Variants in NUDT12 observed in about 807,000 individuals in gnomAD.
NUDT12 encodes the protein NAD-capped RNA hydrolase NUDT12.
In NUDT12, 42 loss-of-function variants were observed where a neutral mutation model predicts 45.7. That is an observed-to-expected ratio of 0.92 (90% CI 0.72 to 1.19). The LOEUF is 1.19. NUDT12 is among the 50% of genes most tolerant of loss of function. NUDT12 has a pLI of 0.00. For missense variants in NUDT12, 590 were observed against 533.1 expected (o/e 1.11, Z -1.05); for synonymous variants, 206 against 179.7 (o/e 1.15, Z -1.17).
chr5:103,553,639 C>G (rs1268260794), intron 5 of NUDT12, among the ~76,000 whole-genome samples: 2 of 152,036 alleles, frequency 1.3e-5, no homozygotes, highest in African/African-American at 4.8e-5. Flanking sequence ...ACCTAGATAA[C>G]TCTTGCAAAT....
rs1266262633 is a variant in NUDT12, at chr5:103,552,456, T to C, written c.1079-40A>G. On this transcript the variant is annotated intron_variant, in intron 5 of 6. Coordinates refer to ENST00000230792, the MANE Select transcript of NUDT12 (RefSeq NM_031438.4). ...CAAAAGAACAAGTTGCTGATGAACATGCCCGGGACACTTTGTGTCCTGAAT... is the reference window on the plus strand; with the variant it reads ...CAAAAGAACAAGTTGCTGATGAACACGCCCGGGACACTTTGTGTCCTGAAT... The C allele has an allele frequency of 2.2e-5, 33 of 1,489,332 alleles. 1 individual carries two copies. Among genetic ancestry groups the C allele is most frequent in the Non-Finnish European group, 2.4e-5 (26 of 1,068,166 alleles). The allele number at this position is 1,489,332 out of a possible 1,614,324, so 92.3% of individuals were successfully genotyped here.
chr5:103,557,584 A>AAACAC (rs113587604), intron 3 of NUDT12, among the ~76,000 whole-genome samples: 5 of 149,956 alleles, frequency 3.3e-5, no homozygotes, highest in Non-Finnish European at 5.9e-5. Flanking sequence ...AGATGCTTTA[A>AAACAC]AAAACAAAAC....
In NUDT12 at chr5:103,549,036, T is replaced by TC. The variant is rs1748570750; in HGVS notation, c.*1824dup. 6.6e-6 allele frequency: 1 copy of TC among 152,130 alleles called. No individual in the cohort carries two copies. The highest frequency in any genetic ancestry group is 6.6e-5 in the Admixed American group (1 of 15,258). The allele number at this position is 152,130 out of a possible 1,614,324, so 9.4% of individuals were successfully genotyped here. On this transcript the variant is annotated 3_prime_UTR_variant, in exon 7 of 7. Coordinates refer to ENST00000230792, the MANE Select transcript of NUDT12 (RefSeq NM_031438.4). ...ATAATTTACCTAGATGCTGATTTTT[T>TC]CCCAAGTAAGGATTAAATATCCAAA...
chr5:103,556,042 G>A lies in NUDT12; in HGVS notation c.853C>T (p.Pro285Ser). Residue 285 changes from proline to serine, a missense_variant, in exon 4 of 7, where the codon CCA (proline) becomes TCA (serine). Transcript: ENST00000230792. ...LAWHSRYKFC[P>S]TCGNATKIEE... ...ATTTTAGTTGCATTTCCACAGGTTG[G>A]GCAAAACTTGTATCGACTGTGCCAG... The A allele has an allele frequency of 6.2e-7, 1 of 1,611,672 alleles. No individual in the cohort carries two copies.
At chr5:103,551,310 C>T (rs1366021827) in intron 6 of NUDT12, among the ~76,000 whole-genome samples, 1 of 151,978 alleles carries the variant, frequency 6.6e-6, no homozygotes, top group Non-Finnish European at 1.5e-5. Context: ...GACAGGGTCT[C>T]CCTATGTTGC....
In NUDT12 at chr5:103,549,009, T is replaced by C. The variant is rs982401728; in HGVS notation, c.*1852A>G. The stretch of plus-strand genomic sequence containing the variant: ...GGCAATTTAAGAGTTGTTATTAAAA[T>C]AATAATTTACCTAGATGCTGATTTT... On this transcript the variant is annotated 3_prime_UTR_variant, in exon 7 of 7. Coordinates refer to ENST00000230792, the MANE Select transcript of NUDT12 (RefSeq NM_031438.4). 1 of 152,150 alleles carries C rather than the reference T, an allele frequency of 6.6e-6. No homozygotes were observed. Among genetic ancestry groups the C allele is most frequent in the African/African-American group, 2.4e-5 (1 of 41,456 alleles). 9.4% of individuals were successfully genotyped at this position (152,150 alleles called of 1,614,324 possible). A position where few individuals can be genotyped will look rare whatever the true frequency, so the allele number is the denominator to read the frequency against.
intron 2 of NUDT12, 52 bp downstream of exon 2, chr5:103,559,991 C>T: frequency 7.8e-7 from 1 of 1,288,704 alleles, no homozygotes; most frequent in Non-Finnish European, 1.1e-6. Context: ...AAATATGTAA[C>T]AAAGAAATTA....
rs1445924366 is a variant in NUDT12, at chr5:103,560,255, C to T, written c.-6-1G>A. On this transcript the variant is annotated splice_acceptor_variant, in intron 1 of 6. Coordinates refer to ENST00000230792, the MANE Select transcript of NUDT12 (RefSeq NM_031438.4). LOFTEE classifies it low-confidence loss of function (5UTR_SPLICE). ...TTCTTTTTACAGAAGACATTTCTTC[C>T]TTAAAAGAAGGAAAATCAGGGGAAA... is the stretch of plus-strand genomic sequence containing the variant. 1 of 1,604,092 alleles carries T rather than the reference C, an allele frequency of 6.2e-7. No homozygotes were observed. Among genetic ancestry groups the T allele is most frequent in the Non-Finnish European group, 8.5e-7 (1 of 1,171,694 alleles).
At position 103,558,925 on chromosome 5, in the gene NUDT12, A is replaced by G; in HGVS notation, c.750T>C (p.Leu250=). 6.2e-7 allele frequency: 1 copy of G among 1,608,408 alleles called. No individual in the cohort carries two copies. The highest frequency in any genetic ancestry group is 8.5e-7 in the Non-Finnish European group (1 of 1,177,874). The change falls in exon 3 of 7, where the codon CTT becomes CTC. Residue 250 remains leucine (L), a synonymous_variant. Transcript: ENST00000230792. ...GCAGAAGGGCTGGCATAGGAGGATG[A>G]AGAAAGTAACAATTTTCATGTCTTT... ...FKQRHENCYF[L]HPPMPALLQL... is the part of the protein sequence containing the mutation.
intron 1 of NUDT12, among the ~76,000 whole-genome samples, chr5:103,560,965 C>T (rs1031229663): frequency 2.6e-5 from 4 of 151,646 alleles, no homozygotes; most frequent in Admixed American, 2.0e-4. Context: ...CTTTTTGTTT[C>T]GGTGGGGTAA....
At position 103,551,405 on chromosome 5, in the gene NUDT12, C is replaced by T. The variant is rs200983639; in HGVS notation, c.1279-434G>A. 7.4e-4 allele frequency among the ~76,000 whole-genome samples: 113 copies of T among 152,284 alleles called. 1 individual carries two copies. Among genetic ancestry groups the T allele is most frequent in the African/African-American group, 2.5e-3 (105 of 41,554 alleles). On this transcript the variant is annotated intron_variant, in intron 6 of 6. Coordinates refer to ENST00000230792, the MANE Select transcript of NUDT12 (RefSeq NM_031438.4). ...CTGGGATTACAGGTATAAGCCACCA[C>T]GCCCCGCCTCAACATGCAAAATTTA... is the stretch of plus-strand genomic sequence containing the variant.
rs1028957694 is a variant in NUDT12 at position 103,549,795 on chromosome 5, T to C, written c.*1066A>G. 7 of 152,148 alleles carry C rather than the reference T, an allele frequency of 4.6e-5. No individual in the cohort carries two copies. The highest frequency in any genetic ancestry group is 6.5e-5 in the Admixed American group (1 of 15,274). The allele number at this position is 152,148 out of a possible 1,614,324, so 9.4% of individuals were successfully genotyped here. ...AAATGTGACTTTCTATGTTGCAAAATTGTGAACTACTATGTTTTGCTTTCT... is the reference window on the plus strand; with the variant it reads ...AAATGTGACTTTCTATGTTGCAAAACTGTGAACTACTATGTTTTGCTTTCT... On this transcript the variant is annotated 3_prime_UTR_variant, in exon 7 of 7. Transcript: ENST00000230792.
intron 6 of NUDT12, 150 bp from the exon 7 acceptor site, chr5:103,551,121 G>GTT (rs370123789): frequency 5.3e-3 from 2,543 of 477,280 alleles, no homozygotes; most frequent in South Asian, 6.7e-3. Context: ...TACATGCAAA[G>GTT]TTTTTTTTTT....
Position 103,560,629 on chromosome 5 carries a change from G to A in NUDT12, c.-6-375C>T, listed in dbSNP as rs1421758052. ...GAGGGGGAGAGCATTAAAACAGATGGAAGTAAAGGCAGAGACTTTATAAGT... is the reference window on the plus strand; with the variant it reads ...GAGGGGGAGAGCATTAAAACAGATGAAAGTAAAGGCAGAGACTTTATAAGT... On this transcript the variant is annotated intron_variant, in intron 1 of 6. Coordinates refer to ENST00000230792, the MANE Select transcript of NUDT12 (RefSeq NM_031438.4). Among the ~76,000 whole-genome samples the A allele has an allele frequency of 3.3e-5, 5 of 152,138 alleles. No individual in the cohort carries two copies. The East Asian group carries it at 9.6e-4, about 29-fold the overall frequency.
intron 6 of NUDT12, among the ~76,000 whole-genome samples, chr5:103,551,480 T>C (rs765975628): frequency 3.3e-5 from 5 of 152,170 alleles, no homozygotes; most frequent in African/African-American, 7.2e-5. Flanking sequence ...GTTTCTAAAA[T>C]GTTCCAGAAA....
intron 6 of NUDT12, 67 bp downstream of exon 6, chr5:103,552,150 G>T: frequency 7.6e-7 from 1 of 1,321,866 alleles, no homozygotes. Flanking sequence ...ATGCATCCTT[G>T]CTCTGTGACC....
rs1002426602 is a variant in NUDT12, at chr5:103,562,788, T to C, written c.-92A>G. On this transcript the variant is annotated 5_prime_UTR_variant, in exon 1 of 7. Coordinates refer to ENST00000230792, the MANE Select transcript of NUDT12 (RefSeq NM_031438.4). ...GCTTTTCCTGGAGCCGGATGCAGTC[T>C]TCCCGACTTCCGGTGGAGATCCGGG... is the stretch of plus-strand genomic sequence containing the variant. The C allele has an allele frequency of 1.1e-5, 1 of 87,376 alleles. No homozygotes were observed. The highest frequency in any genetic ancestry group is 2.2e-5 in the Non-Finnish European group (1 of 45,754). The allele number at this position is 87,376 out of a possible 1,614,324, so 5.4% of individuals were successfully genotyped here. A position where few individuals can be genotyped will look rare whatever the true frequency, so the allele number is the denominator to read the frequency against.
intron 1 of NUDT12, among the ~76,000 whole-genome samples, chr5:103,560,700 G>A (rs1445370377): frequency 2.6e-5 from 4 of 152,118 alleles, no homozygotes; most frequent in South Asian, 2.1e-4. Context: ...AATTAATTCT[G>A]TAATCCATCT....
At position 103,550,982 on chromosome 5, in the gene NUDT12, C is replaced by G; in HGVS notation, c.1279-11G>C. ...CAGAACATCCAGGACCTAAAACACA[C>G]CATAATAGAATGCATTAGGATTTCA... On this transcript the variant is annotated splice_polypyrimidine_tract_variant and intron_variant, in intron 6 of 6. Transcript: ENST00000230792. 2 of 1,581,754 alleles carry G rather than the reference C, an allele frequency of 1.3e-6. No individual in the cohort carries two copies. Among genetic ancestry groups the G allele is most frequent in the Middle Eastern group, 1.7e-4 (1 of 5,996 alleles).
Sources: allele counts gnomAD v4.1 joint callset (sites outside exome capture counted in the v4.1 genomes callset), GRCh38; gene constraint gnomAD v4.1.1; transcripts MANE v1.5; gene names NCBI Gene and HGNC (gene_info 2026-07-23, HGNC 2026-07-21).